The following ABCD3 variants were observed in gnomAD, a reference collection of about 807,000 sequenced individuals.
ABCD3 encodes ATP-binding cassette sub-family D member 3.
A neutral mutation model predicts 105.5 loss-of-function variants in ABCD3; 41 were observed. The ratio of observed to expected loss-of-function variants is 0.39; its 90% confidence interval spans 0.30 to 0.50. The LOEUF (loss-of-function observed/expected upper bound fraction) is 0.50. Ranked by LOEUF, ABCD3 falls within the 20% of genes least tolerant of loss-of-function variation. The pLI is 0.84. For missense variants in ABCD3, 622 were observed against 806.3 expected (o/e 0.77, Z 2.77); for synonymous variants, 258 against 269.0 (o/e 0.96, Z 0.40).
intron 21 of ABCD3, among the ~76,000 whole-genome samples, chr1:94,512,444 GAT>G (rs1291896699): frequency 6.6e-6 from 1 of 151,178 alleles, no homozygotes; most frequent in Non-Finnish European, 1.5e-5. Context: ...AGATATAAAA[GAT>G]AAAAGATATA....
chr1:94,420,423 A>G (rs1348082933), intron 1 of ABCD3, among the ~76,000 whole-genome samples: 1 of 152,252 alleles, frequency 6.6e-6, no homozygotes, highest in Non-Finnish European at 1.5e-5. Flanking sequence ...CTCATTTGCC[A>G]TTGTAAAATG....
chr1:94,430,898 A>T (rs2100886558), intron 1 of ABCD3, among the ~76,000 whole-genome samples: 1 of 152,350 alleles, frequency 6.6e-6, no homozygotes, highest in African/African-American at 2.4e-5. Context: ...GGAAATTTGA[A>T]TAACTAGAAG....
the ABCD3 span, among the ~76,000 whole-genome samples, chr1:94,408,223 C>T: frequency 5.3e-5 from 8 of 152,134 alleles, no homozygotes; most frequent in South Asian, 1.0e-3. Context: ...TAACAGAAAG[C>T]GTTGACTGAG....
chr1:94,392,342 A>C, the ABCD3 span, among the ~76,000 whole-genome samples: 2 of 152,208 alleles, frequency 1.3e-5, no homozygotes, highest in Non-Finnish European at 2.9e-5. Context: ...CATCAGCCTG[A>C]GTCCTTGTGT....
At chr1:94,474,701 T>A (rs999856514) in intron 5 of ABCD3, among the ~76,000 whole-genome samples, 10 of 150,846 alleles carry the variant, frequency 6.6e-5, no homozygotes, top group Admixed American at 5.4e-4. Context: ...GAAAATAGCA[T>A]TAGTTGGTGT....
intron 5 of ABCD3, among the ~76,000 whole-genome samples, chr1:94,474,094 T>A (rs1454627997): frequency 6.9e-6 from 1 of 144,788 alleles, no homozygotes. Flanking sequence ...TTTTTTGGCA[T>A]TTTTTTTTTA....
At chr1:94,496,071 C>G (rs1320612576) in intron 16 of ABCD3, among the ~76,000 whole-genome samples, 1 of 151,972 alleles carries the variant, frequency 6.6e-6, no homozygotes, top group African/African-American at 2.4e-5. Context: ...ATTCTTTTTT[C>G]TTTAAGAAGT....
upstream of ABCD3, among the ~76,000 whole-genome samples, chr1:94,415,293 C>A (rs1177855307): frequency 1.3e-5 from 2 of 151,686 alleles, no homozygotes; most frequent in Non-Finnish European, 1.5e-5. Context: ...CTGGCTAACA[C>A]AACATTTCTT....
At chr1:94,390,092 T>C in the ABCD3 span, among the ~76,000 whole-genome samples, 1,294 of 152,202 alleles carry the variant, frequency 8.5e-3, 19 homozygotes, top group African/African-American at 0.03. Context: ...ACTCACCAGA[T>C]CAATAGCAGC....
intron 4 of ABCD3, among the ~76,000 whole-genome samples, chr1:94,472,931 A>C (rs901352747): frequency 1.3e-5 from 2 of 152,240 alleles, no homozygotes; most frequent in African/African-American, 4.8e-5. Context: ...TCTTACTCAA[A>C]GATCCTTTAC....
chr1:94,405,785 T>C, the ABCD3 span, among the ~76,000 whole-genome samples: 2 of 152,210 alleles, frequency 1.3e-5, no homozygotes, highest in African/African-American at 4.8e-5. Context: ...GGATTTTTGG[T>C]CTTTTTCCTT....
Position 94,473,931 on chromosome 1 carries a change from T to G in ABCD3, c.405+96T>G, listed in dbSNP as rs577025990. 1.9e-3 allele frequency: 1,730 copies of G among 895,426 alleles called. 47 individuals are homozygous for G. The South Asian group carries it at 0.025, about 13-fold the overall frequency. 55.5% of individuals were successfully genotyped at this position (895,426 alleles called of 1,614,324 possible). A position where few individuals can be genotyped will look rare whatever the true frequency, so the allele number is the denominator to read the frequency against. On this transcript the variant is annotated intron_variant, in intron 5 of 22. Transcript: ENST00000370214. ...ACTTATTAAATTCTTTAAAGACTTA[T>G]GATACTAAGTTCCTATTTTCAGTTT... is the stretch of plus-strand genomic sequence containing the variant.
intron 1 of ABCD3, among the ~76,000 whole-genome samples, chr1:94,423,887 C>T (rs1659366372): frequency 6.6e-6 from 1 of 152,068 alleles, no homozygotes; most frequent in African/African-American, 2.4e-5. Context: ...TTAAATCTGC[C>T]CCATTCAAAT....
At chr1:94,418,983 A>G in intron 1 of ABCD3, 1 of 232,254 alleles carries the variant, frequency 4.3e-6, no homozygotes, top group Non-Finnish European at 8.5e-6. Flanking sequence ...TCATCTTCAG[A>G]CCGTGAAGGA....
intron 2 of ABCD3, among the ~76,000 whole-genome samples, chr1:94,459,285 A>G (rs1313144748): frequency 6.6e-6 from 1 of 152,034 alleles, no homozygotes; most frequent in Admixed American, 6.6e-5. Flanking sequence ...GTGCTAAGCA[A>G]TCTTGATTCC....
chr1:94,451,025 A>G (rs1647223724), intron 1 of ABCD3, among the ~76,000 whole-genome samples: 2 of 152,116 alleles, frequency 1.3e-5, no homozygotes. Context: ...TCTTAAACCT[A>G]TTGATTATAT....
chr1:94,509,473 G>T (rs981605011), intron 21 of ABCD3, among the ~76,000 whole-genome samples: 1 of 152,060 alleles, frequency 6.6e-6, no homozygotes, highest in Non-Finnish European at 1.5e-5. Flanking sequence ...TCTCTGCCTG[G>T]CTTTGGTATC....
the ABCD3 span, among the ~76,000 whole-genome samples, chr1:94,389,479 T>C: frequency 6.6e-6 from 1 of 152,254 alleles, no homozygotes; most frequent in Non-Finnish European, 1.5e-5. Context: ...CTTGAGGACA[T>C]GTTCCTGCTG....
intron 20 of ABCD3, among the ~76,000 whole-genome samples, chr1:94,504,848 T>C (rs1019875390): frequency 1.3e-5 from 2 of 152,160 alleles, no homozygotes; most frequent in Non-Finnish European, 2.9e-5. Flanking sequence ...ATGAGTGTGC[T>C]CTGGGCTAAG....
Sources: allele counts gnomAD v4.1 joint callset (sites outside exome capture counted in the v4.1 genomes callset), GRCh38; gene constraint gnomAD v4.1.1; transcripts MANE v1.5; gene names NCBI Gene and HGNC (gene_info 2026-07-23, HGNC 2026-07-21).